The following NSMF variants were observed in gnomAD, a reference collection of about 807,000 sequenced individuals.
The protein encoded by NSMF is NMDA receptor synaptonuclear signaling and neuronal migration factor.
A neutral mutation model predicts 71.0 loss-of-function variants in NSMF; 31 were observed. The ratio of observed to expected loss-of-function variants is 0.44; its 90% CI spans 0.33 to 0.59. The LOEUF (loss-of-function observed/expected upper bound fraction) is 0.59. Ranked by LOEUF, NSMF falls within the 20% of genes least tolerant of loss-of-function variation. NSMF has a pLI of 0.04. For synonymous variants in NSMF, 345 were observed against 287.1 expected, an observed-to-expected ratio of 1.20 and a Z score of -2.04; for missense variants, 673 against 740.5, an observed-to-expected ratio of 0.91 and a Z score of 1.06.
intron 7 of NSMF, 35 bp downstream of exon 7, chr9:137,454,356 C>G (rs747718960): frequency 1.3e-6 from 2 of 1,544,824 alleles, no homozygotes; most frequent in South Asian, 1.2e-5. Context: ...CCAAGCGCAA[C>G]GCCGCCCCCC....
intron 7 of NSMF, 57 bp downstream of exon 7, chr9:137,454,334 A>T: frequency 1.3e-6 from 2 of 1,495,010 alleles, no homozygotes; most frequent in Non-Finnish European, 1.8e-6. Context: ...CAGCAAGCAA[A>T]GCCCCAACCA....
Position 137,459,185 on chromosome 9 carries a change from G to C in NSMF, c.-83C>G. 4 of 1,029,718 alleles carry C rather than the reference G, an allele frequency of 3.9e-6. No individual in the cohort carries two copies. Among genetic ancestry groups the C allele is most frequent in the Non-Finnish European group, 4.8e-6 (4 of 838,656 alleles). 63.8% of individuals were successfully genotyped at this position (1,029,718 alleles called of 1,614,324 possible). A position where few individuals can be genotyped will look rare whatever the true frequency, so the allele number is the denominator to read the frequency against. On this transcript the variant is annotated 5_prime_UTR_variant, in exon 1 of 16. Coordinates refer to ENST00000371475, the MANE Select transcript of NSMF (RefSeq NM_001130969.3). ...CGCCGGGGTAGCCGCGCCGCACCGG[G>C]GGTCGCGCTCGGGCTCGGGCTCGGG...
chr9:137,457,044 C>T (rs564831885), intron 3 of NSMF, among the ~76,000 whole-genome samples: 4 of 152,208 alleles, frequency 2.6e-5, no homozygotes, highest in Middle Eastern at 3.4e-3. Flanking sequence ...TGGGCCCCAA[C>T]AGCTCCCCAG....
At position 137,448,987 on chromosome 9, in the gene NSMF, TGC is replaced by T; in HGVS notation, c.*405_*406del. 3.1e-6 allele frequency: 1 copy of T among 327,132 alleles called. No homozygotes were observed. The highest frequency in any genetic ancestry group is 2.6e-5 in the South Asian group (1 of 38,552). The allele number at this position is 327,132 out of a possible 1,614,324, so 20.3% of individuals were successfully genotyped here. A position where few individuals can be genotyped will look rare whatever the true frequency, so the allele number is the denominator to read the frequency against. Reference sequence around the variant, plus strand: ...GGGCTGCTGGGCTGCTGGGCCGGGGTGCCTACACTGTAACTAGCAGCATAGTG... The same window carrying T: ...GGGCTGCTGGGCTGCTGGGCCGGGGTCTACACTGTAACTAGCAGCATAGTG... On this transcript the variant is annotated 3_prime_UTR_variant, in exon 16 of 16. Transcript: ENST00000371475. The surrounding 1 kb of genome is among the most constrained non-coding windows in gnomAD (Gnocchi z 5.3).
At chr9:137,455,347 G>A (rs1830779452) in intron 5 of NSMF, 40 bp from the exon 6 acceptor site, 1 of 1,605,040 alleles carries the variant, frequency 6.2e-7, no homozygotes, top group Non-Finnish European at 8.5e-7. Flanking sequence ...CTTGGCCGGA[G>A]GCAGGAGGGA....
chr9:137,457,614 C>A lies in NSMF; in HGVS notation c.421G>T (p.Ala141Ser), dbSNP rs758054492. The change falls in exon 3 of 16, where the codon GCC becomes TCC. Residue 141 changes from alanine to serine, a missense_variant. By Grantham distance (99) the Ala-to-Ser change is moderately conservative. Transcript: ENST00000371475. ...HPHHHSQPLR[A>S]SPGGSREDVS... ...TCCTCCCGGCTGCCACCAGGGCTGG[C>A]GCGCAGGGGCTGGCTGTGATGGTGA... 1.3e-6 allele frequency: 2 copies of A among 1,551,470 alleles called. No homozygotes were observed. The highest frequency in any genetic ancestry group is 4.9e-5 in the East Asian group (2 of 40,974).
At chr9:137,449,530 C>T (rs898606018) in intron 15 of NSMF, 39 bp from the exon 16 acceptor site, 12 of 1,611,082 alleles carry the variant, frequency 7.4e-6, no homozygotes, top group Non-Finnish European at 9.3e-6. Context: ...GCCTGGCCGG[C>T]CCTGGGGATC....
Position 137,459,128 on chromosome 9 carries a change from G to A in NSMF, c.-26C>T. On this transcript the variant is annotated 5_prime_UTR_variant, in exon 1 of 16. Coordinates refer to ENST00000371475, the MANE Select transcript of NSMF (RefSeq NM_001130969.3). Reference sequence around the variant, plus strand: ...GGTCGAGGCGGCGGCGCATCCCCCGGGCCTCAGAGCGCGCCCCGCGCCCGC... The same window carrying A: ...GGTCGAGGCGGCGGCGCATCCCCCGAGCCTCAGAGCGCGCCCCGCGCCCGC... The A allele has an allele frequency of 8.4e-7, 1 of 1,196,856 alleles. No individual in the cohort carries two copies. The highest frequency in any genetic ancestry group is 1.0e-6 in the Non-Finnish European group (1 of 964,756). 74.1% of individuals were successfully genotyped at this position (1,196,856 alleles called of 1,614,324 possible). A position where few individuals can be genotyped will look rare whatever the true frequency, so the allele number is the denominator to read the frequency against.
intron 11 of NSMF, 35 bp from the exon 12 acceptor site, chr9:137,452,470 ACCCCAG>A: frequency 6.2e-7 from 1 of 1,611,210 alleles, no homozygotes; most frequent in South Asian, 1.1e-5. Flanking sequence ...TGCGGCCCCC[ACCCCAG>A]CCCCAGGGGC....
chr9:137,454,464 C>T (rs1455800532), intron 6 of NSMF, 21 bp from the exon 7 acceptor site: 11 of 1,550,166 alleles, frequency 7.1e-6, no homozygotes, highest in South Asian at 1.2e-5. Flanking sequence ...AAGCCAGGGG[C>T]TGAAGAGGGC....
At chr9:137,457,927 C>A in intron 2 of NSMF, 26 bp from the exon 3 acceptor site, 1 of 1,537,782 alleles carries the variant, frequency 6.5e-7, no homozygotes, top group Non-Finnish European at 8.7e-7. Flanking sequence ...AGTGAGCCTG[C>A]CTGCCGCGTG....
At position 137,453,907 on chromosome 9, in the gene NSMF, T is replaced by G. The variant is rs1337285250; in HGVS notation, c.833-87A>C. On this transcript the variant is annotated intron_variant, in intron 7 of 15. Coordinates refer to ENST00000371475, the MANE Select transcript of NSMF (RefSeq NM_001130969.3). This position sits in a 1 kb window ranked among gnomAD's most constrained non-coding sequence, Gnocchi z 4.5. ...CCAGGCGAGGGGACCACAGGGGCCC[T>G]GGGCAGAGGAGGAAGCTAATGTGGG... The G allele has an allele frequency of 4.3e-6, 5 of 1,151,082 alleles. No individual in the cohort carries two copies. The highest frequency in any genetic ancestry group is 6.2e-6 in the Non-Finnish European group (5 of 801,694). 71.3% of individuals were successfully genotyped at this position (1,151,082 alleles called of 1,614,324 possible).
In NSMF at chr9:137,457,793, C is replaced by T; in HGVS notation, c.242G>A (p.Gly81Asp). 1 of 1,558,406 alleles carries T rather than the reference C, an allele frequency of 6.4e-7. No homozygotes were observed. The highest frequency in any genetic ancestry group is 8.7e-7 in the Non-Finnish European group (1 of 1,151,244). ...LSLVSNGCYE[G>D]SLSEEPSIRK... ...AATGCTGGGCTCCTCTGAGAGGCTGCCCTCGTAGCAGCCGTTGGAGACGAG... is the reference window on the plus strand; with the variant it reads ...AATGCTGGGCTCCTCTGAGAGGCTGTCCTCGTAGCAGCCGTTGGAGACGAG... Residue 81 changes from glycine (G) to aspartate (D), a missense_variant, in exon 3 of 16, where the codon GGC becomes GAC. Physicochemically the swap from Gly to Asp is moderately conservative, Grantham distance 94. Coordinates refer to ENST00000371475, the MANE Select transcript of NSMF (RefSeq NM_001130969.3).
chr9:137,450,412 C>T (rs1830424939), intron 12 of NSMF, among the ~76,000 whole-genome samples, 157 bp from the exon 13 acceptor site: 1 of 130,616 alleles, frequency 7.7e-6, no homozygotes, highest in Non-Finnish European at 1.6e-5. Context: ...CCTTGATCTC[C>T]CCCACCACAC....
rs577376729 is a variant in NSMF, at chr9:137,452,673, C to T, written c.1131+63G>A. On this transcript the variant is annotated intron_variant, in intron 10 of 15. Transcript: ENST00000371475. ...GCACCCTGGGGACCTGGGGTGCCGG[C>T]GCTGGCCCAGGGTGGGGCCGCAAGA... The T allele has an allele frequency of 9.5e-5, 152 of 1,601,090 alleles. No individual in the cohort carries two copies. In the East Asian group the frequency reaches 1.7e-3, roughly 18 times the overall value.
Position 137,449,364 on chromosome 9 carries a change from T to G in NSMF, c.*30A>C. Reference sequence around the variant, plus strand: ...AGGTCCCGGTGCAGAGGGAGTGGCCTGATGGTGACTGGGCGGAGGCCTCTG... The same window carrying G: ...AGGTCCCGGTGCAGAGGGAGTGGCCGGATGGTGACTGGGCGGAGGCCTCTG... On this transcript the variant is annotated 3_prime_UTR_variant, in exon 16 of 16. Transcript: ENST00000371475. 3.2e-6 allele frequency: 5 copies of G among 1,585,120 alleles called. No homozygotes were observed. The highest frequency in any genetic ancestry group is 4.3e-6 in the Non-Finnish European group (5 of 1,155,566).
In NSMF at chr9:137,453,116, A is replaced by G; in HGVS notation, c.987T>C (p.Thr329=). ...AGGCCACAGCCTCCAGGCCCTTCTCAGTGTCCCAGTCCAGGTCCTCGAAGG... is the reference window on the plus strand; with the variant it reads ...AGGCCACAGCCTCCAGGCCCTTCTCGGTGTCCCAGTCCAGGTCCTCGAAGG... The part of the protein sequence containing the change: ...DEAFEDLDWD[T]EKGLEAVACD... Residue 329 remains threonine, a synonymous_variant, in exon 9 of 16, where the codon ACT becomes ACC. Coordinates refer to ENST00000371475, the MANE Select transcript of NSMF (RefSeq NM_001130969.3). The surrounding 1 kb of genome is among the most constrained non-coding windows in gnomAD (Gnocchi z 4.5). 2.5e-6 allele frequency: 4 copies of G among 1,612,628 alleles called. No homozygotes were observed. In the South Asian group the frequency reaches 4.4e-5, roughly 18 times the overall value.
rs184522833 is a variant in NSMF, at chr9:137,455,906, C to T, written c.705-272G>A. Among the ~76,000 whole-genome samples the T allele has an allele frequency of 2.3e-4, 35 of 152,324 alleles. No homozygotes were observed. In the East Asian group the frequency reaches 5.4e-3, roughly 23 times the overall value. On this transcript the variant is annotated intron_variant, in intron 4 of 15. Coordinates refer to ENST00000371475, the MANE Select transcript of NSMF (RefSeq NM_001130969.3). ...AGGCTGGGTGTGGGGTGGACTCCCC[C>T]GGGCAGGACACTTCTTTGGTGTGGG...
At chr9:137,458,107 C>T (rs1187173594) in intron 2 of NSMF, among the ~76,000 whole-genome samples, 1 of 152,202 alleles carries the variant, frequency 6.6e-6, no homozygotes, top group African/African-American at 2.4e-5. Context: ...GGCTGGGTGA[C>T]GCTGTGCTAC....
Sources: gnomAD v4.1 joint callset for allele counts (sites outside exome capture counted in the v4.1 genomes callset) on GRCh38, gnomAD v4.1.1 for gene constraint, Gnocchi (gnomAD v3.1) non-coding constraint, MANE v1.5 for transcripts, NCBI Gene and HGNC (gene_info 2026-07-23, HGNC 2026-07-21) for gene names.